VEPH1: variants seen among roughly 807,000 people sequenced by gnomAD.
VEPH1 encodes the protein ventricular zone-expressed PH domain-containing protein homolog 1.
Under a neutral mutation model 85.2 loss-of-function variants are expected in VEPH1, and 80 were observed. The ratio of observed to expected loss-of-function variants is 0.94; its 90% CI spans 0.78 to 1.13. The LOEUF is 1.13. Among genes scored for constraint, VEPH1 ranks in the 50% most tolerant of loss-of-function variants. VEPH1 has a pLI of 0.00. For missense variants in VEPH1, 955 were observed against 980.5 expected, an observed-to-expected ratio of 0.97 and a Z score of 0.35; for synonymous variants, 297 against 348.0, an observed-to-expected ratio of 0.85 and a Z score of 1.63.
chr3:157,333,191 A>G (rs905768912), intron 9 of VEPH1, among the ~76,000 whole-genome samples: 2 of 152,234 alleles, frequency 1.3e-5, no homozygotes, highest in Non-Finnish European at 2.9e-5. Flanking sequence ...AAATGACTAT[A>G]TTGATACTTT....
chr3:157,407,884 A>G (rs1731258725), intron 6 of VEPH1, among the ~76,000 whole-genome samples: 1 of 152,180 alleles, frequency 6.6e-6, no homozygotes, highest in African/African-American at 2.4e-5. Flanking sequence ...GGTGAATAAT[A>G]TTCCCATTTT....
intron 6 of VEPH1, among the ~76,000 whole-genome samples, chr3:157,395,439 G>A (rs1015055042): frequency 1.3e-5 from 2 of 152,174 alleles, no homozygotes; most frequent in African/African-American, 2.4e-5. Context: ...GTGAGTGGAC[G>A]TCCATGTTGC....
intron 6 of VEPH1, among the ~76,000 whole-genome samples, chr3:157,410,686 C>A (rs1311337467): frequency 6.6e-6 from 1 of 152,070 alleles, no homozygotes; most frequent in South Asian, 2.1e-4. Flanking sequence ...TCAGGCATTA[C>A]AAATAATCAA....
At chr3:157,494,434 G>A (rs572975601) in intron 2 of VEPH1, among the ~76,000 whole-genome samples, 70 of 152,306 alleles carry the variant, frequency 4.6e-4, no homozygotes, top group African/African-American at 1.6e-3. Context: ...GAGGGTCCAA[G>A]TACAATCAAG....
chr3:157,310,613 C>T (rs1279096624), intron 11 of VEPH1, among the ~76,000 whole-genome samples: 1 of 152,188 alleles, frequency 6.6e-6, no homozygotes, highest in Non-Finnish European at 1.5e-5. Context: ...ACAGATGTTT[C>T]TTTCTCATAC....
At chr3:157,382,851 A>C (rs764645443) in intron 6 of VEPH1, among the ~76,000 whole-genome samples, 1 of 152,068 alleles carries the variant, frequency 6.6e-6, no homozygotes, top group Non-Finnish European at 1.5e-5. Flanking sequence ...TATCTTTTTG[A>C]GACAGAGTTT....
intron 12 of VEPH1, among the ~76,000 whole-genome samples, chr3:157,282,926 A>G (rs1288203321): frequency 1.3e-5 from 2 of 152,260 alleles, no homozygotes; most frequent in Non-Finnish European, 2.9e-5. Flanking sequence ...GAGTTATTTC[A>G]GAAATTTTCT....
At chr3:157,467,295 G>C (rs1344069831) in intron 3 of VEPH1, among the ~76,000 whole-genome samples, 1 of 152,142 alleles carries the variant, frequency 6.6e-6, no homozygotes, top group Non-Finnish European at 1.5e-5. Context: ...AGATGGGATG[G>C]GTGGAGAGGC....
At chr3:157,402,369 AG>A (rs1312107083) in intron 6 of VEPH1, among the ~76,000 whole-genome samples, 2 of 152,224 alleles carry the variant, frequency 1.3e-5, no homozygotes, top group Non-Finnish European at 2.9e-5. Context: ...GGATGAAGAA[AG>A]GAAGATTTGA....
intron 7 of VEPH1, among the ~76,000 whole-genome samples, chr3:157,369,204 A>AAAAAAAAAAAAAAAAAAAC (rs1727204831): frequency 6.8e-6 from 1 of 146,160 alleles, no homozygotes; most frequent in East Asian, 2.0e-4. Flanking sequence ...AAAAAAAAAA[A>AAAAAAAAAAAAAAAAAAAC]CCTCCTGAGG....
intron 2 of VEPH1, among the ~76,000 whole-genome samples, chr3:157,472,696 A>C (rs1293072059): frequency 6.6e-6 from 1 of 152,068 alleles, no homozygotes; most frequent in Non-Finnish European, 1.5e-5. Context: ...GATAGGCCCC[A>C]GTGTGTGTTG....
At chr3:157,288,928 A>G (rs1249637696) in intron 11 of VEPH1, among the ~76,000 whole-genome samples, 1 of 152,236 alleles carries the variant, frequency 6.6e-6, no homozygotes. Flanking sequence ...AGGCATTCCA[A>G]TAGGTGCTGT....
chr3:157,304,038 T>TATATATATATATATATATATATACAC, intron 11 of VEPH1, among the ~76,000 whole-genome samples: 11 of 96,912 alleles, frequency 1.1e-4, no homozygotes, highest in African/African-American at 3.4e-4. Flanking sequence ...TATATATATA[T>TATATATATATATATATATATATACAC]ACACACATAC....
At chr3:157,351,482 C>T (rs1724866691) in intron 9 of VEPH1, among the ~76,000 whole-genome samples, 1 of 152,148 alleles carries the variant, frequency 6.6e-6, no homozygotes, top group African/African-American at 2.4e-5. Flanking sequence ...GCGTGAGCCA[C>T]CGCACTTGGC....
In VEPH1 at chr3:157,495,470, A is replaced by AT; in HGVS notation, c.-122dup. The AT allele has an allele frequency of 1.3e-6, 2 of 1,503,154 alleles. No homozygotes were observed. The highest frequency in any genetic ancestry group is 1.8e-6 in the Non-Finnish European group (2 of 1,128,544). The allele number at this position is 1,503,154 out of a possible 1,614,324, so 93.1% of individuals were successfully genotyped here. On this transcript the variant is annotated 5_prime_UTR_variant, in exon 2 of 14. The change creates a new upstream start codon in the 5' untranslated region. Coordinates refer to ENST00000362010, the MANE Select transcript of VEPH1 (RefSeq NM_001167912.2). ...TATACTTCTTATTCCATGAAAGGTCATTTTTCTCCAGACTTTGAGGTCTTC... is the reference window on the plus strand; with the variant it reads ...TATACTTCTTATTCCATGAAAGGTCATTTTTTCTCCAGACTTTGAGGTCTTC...
chr3:157,430,833 A>G (rs1409557242), intron 4 of VEPH1, among the ~76,000 whole-genome samples: 1 of 152,200 alleles, frequency 6.6e-6, no homozygotes, highest in Non-Finnish European at 1.5e-5. Flanking sequence ...AATTATCTCA[A>G]AATTAGTGGC....
chr3:157,390,652 C>T (rs757414865), intron 6 of VEPH1, among the ~76,000 whole-genome samples: 1 of 152,182 alleles, frequency 6.6e-6, no homozygotes, highest in African/African-American at 2.4e-5. Context: ...AATGGGACTC[C>T]ACCAGAATCA....
At chr3:157,426,906 C>G (rs982618995) in intron 5 of VEPH1, among the ~76,000 whole-genome samples, 6 of 149,496 alleles carry the variant, frequency 4.0e-5, no homozygotes, top group Non-Finnish European at 8.9e-5. Flanking sequence ...CACCCAGGTT[C>G]AAGCAATTCT....
chr3:157,367,769 C>G (rs1249329673), intron 7 of VEPH1, among the ~76,000 whole-genome samples: 1 of 152,174 alleles, frequency 6.6e-6, no homozygotes, highest in African/African-American at 2.4e-5. Flanking sequence ...TCTCAGCCTT[C>G]TGAGTAGCTG....
Sources: allele counts gnomAD v4.1 joint callset (sites outside exome capture counted in the v4.1 genomes callset), GRCh38; gene constraint gnomAD v4.1.1; transcripts MANE v1.5; gene names NCBI Gene and HGNC (gene_info 2026-07-23, HGNC 2026-07-21).